RBMS3: variants seen among roughly 807,000 people sequenced by gnomAD.
RBMS3 encodes the protein RNA binding motif single stranded interacting protein 3.
A neutral mutation model predicts 66.8 loss-of-function variants in RBMS3; 27 were observed. That is an observed-to-expected ratio of 0.40 (90% CI 0.30 to 0.56). RBMS3 has a LOEUF of 0.56. RBMS3 is among the 20% of genes least tolerant of loss of function. RBMS3 has a pLI of 0.40. For synonymous variants in RBMS3, 188 were observed against 183.0 expected (o/e 1.03, Z -0.22); for missense variants, 513 against 549.5 (o/e 0.93, Z 0.66).
chr3:29,989,487 A>G (rs1698679289), intron 13 of RBMS3, among the ~76,000 whole-genome samples: 1 of 152,172 alleles, frequency 6.6e-6, no homozygotes, highest in African/African-American at 2.4e-5. Flanking sequence ...TTTGTTGGCA[A>G]GCAACTACTG....
intron 10 of RBMS3, among the ~76,000 whole-genome samples, chr3:29,922,627 T>C (rs1365303135): frequency 1.3e-5 from 2 of 152,236 alleles, no homozygotes; most frequent in African/African-American, 4.8e-5. Flanking sequence ...GCTCTAACAT[T>C]GCAGACGGTT....
intron 1 of RBMS3, among the ~76,000 whole-genome samples, chr3:29,426,955 C>T (rs1462849821): frequency 3.3e-5 from 5 of 152,172 alleles, no homozygotes; most frequent in African/African-American, 1.2e-4. Flanking sequence ...AATCATAATT[C>T]CTCTTTCACT....
chr3:29,839,079 A>G (rs1175059342), intron 6 of RBMS3, among the ~76,000 whole-genome samples: 15 of 152,320 alleles, frequency 9.8e-5, no homozygotes, highest in Non-Finnish European at 1.5e-4. Context: ...AGTGTCAGGC[A>G]TAATGAGTGG....
At chr3:29,773,957 C>T (rs767374736) in intron 6 of RBMS3, among the ~76,000 whole-genome samples, 1 of 152,044 alleles carries the variant, frequency 6.6e-6, no homozygotes. Context: ...TTCCCAAGTC[C>T]CTTACTGGCT....
chr3:29,767,818 T>TA (rs2056000681), intron 6 of RBMS3, among the ~76,000 whole-genome samples: 1 of 152,004 alleles, frequency 6.6e-6, no homozygotes, highest in South Asian at 2.1e-4. Flanking sequence ...ATCAGAATAT[T>TA]TAAGCAATAG....
intron 4 of RBMS3, among the ~76,000 whole-genome samples, chr3:29,709,022 G>A (rs1166412312): frequency 6.6e-6 from 1 of 152,114 alleles, no homozygotes; most frequent in African/African-American, 2.4e-5. Context: ...GTTCAATTAA[G>A]GACCACTCTA....
At chr3:29,399,965 A>G (rs1437946217) in intron 1 of RBMS3, among the ~76,000 whole-genome samples, 1 of 152,124 alleles carries the variant, frequency 6.6e-6, no homozygotes, top group East Asian at 1.9e-4. Context: ...CAAATTCTAT[A>G]CATGTGCCAG....
At chr3:29,560,082 AAC>A (rs1389692730) in intron 3 of RBMS3, among the ~76,000 whole-genome samples, 1 of 152,224 alleles carries the variant, frequency 6.6e-6, no homozygotes, top group Non-Finnish European at 1.5e-5. Flanking sequence ...ATTTAAATTT[AAC>A]CAAGAGTGAT....
At chr3:29,549,135 T>A (rs2046091622) in intron 3 of RBMS3, among the ~76,000 whole-genome samples, 2 of 149,208 alleles carry the variant, frequency 1.3e-5, no homozygotes, top group African/African-American at 4.9e-5. Flanking sequence ...CCTTATGGCT[T>A]ACTTGAATTT....
rs543442183 is a variant in RBMS3 at position 29,844,243 on chromosome 3, GTGTTTTGTTT to G, written c.638-24599_638-24590del. Among the ~76,000 whole-genome samples, 12 of 151,940 alleles carry G rather than the reference GTGTTTTGTTT, an allele frequency of 7.9e-5. No homozygotes were observed. In the South Asian group the frequency reaches 1.7e-3, roughly 21 times the overall value. ...TGAGAAAGCTCTTTGTTTTTTTGTTGTGTTTTGTTTTGTTTTGTTTTGTTTGTGCCTATAA... is the reference window on the plus strand; with the variant it reads ...TGAGAAAGCTCTTTGTTTTTTTGTTGTGTTTTGTTTTGTTTGTGCCTATAA... On this transcript the variant is annotated intron_variant, in intron 6 of 14. Coordinates refer to ENST00000383767, the MANE Select transcript of RBMS3 (RefSeq NM_001003793.3).
In RBMS3 at chr3:29,834,064, C is replaced by A. The variant is rs183226105; in HGVS notation, c.638-34794C>A. ...TAGTCAAAGTGCTGGAAAAAAATTA[C>A]AAAACAAAAATAGATTACCTGGCAA... On this transcript the variant is annotated intron_variant, in intron 6 of 14. Coordinates refer to ENST00000383767, the MANE Select transcript of RBMS3 (RefSeq NM_001003793.3). Among the ~76,000 whole-genome samples the A allele has an allele frequency of 1.2e-3, 190 of 152,026 alleles. 1 individual carries two copies. The highest frequency in any genetic ancestry group is 1.5e-4 in the Non-Finnish European group (10 of 67,938).
chr3:29,539,517 A>C lies in RBMS3; in HGVS notation c.308-47597A>C, dbSNP rs148516833. Among the ~76,000 whole-genome samples the C allele has an allele frequency of 1.1e-3, 174 of 152,224 alleles. 1 individual carries two copies. The highest frequency in any genetic ancestry group is 3.9e-3 in the African/African-American group (161 of 41,548). ...ACCTCCCTCCAGCTTATTACATCTA[A>C]TCTTCTTTGGACTCAAGATCAGATA... On this transcript the variant is annotated intron_variant, in intron 3 of 14. Transcript: ENST00000383767.
intron 3 of RBMS3, among the ~76,000 whole-genome samples, chr3:29,501,118 A>T (rs78810806): frequency 4.6e-5 from 7 of 152,160 alleles, no homozygotes. Flanking sequence ...GTAATTTAAG[A>T]TAAGTAAGAA....
Position 29,913,525 on chromosome 3 carries a change from A to G in RBMS3, c.939+13770A>G, listed in dbSNP as rs569850421. ...GGAGAAATAGTAGAAACAAGCTGAG[A>G]AAACTGAAAGCAAATTCCAAGAAAG... On this transcript the variant is annotated intron_variant, in intron 10 of 14. Coordinates refer to ENST00000383767, the MANE Select transcript of RBMS3 (RefSeq NM_001003793.3). 2.6e-5 allele frequency among the ~76,000 whole-genome samples: 4 copies of G among 152,108 alleles called. No individual in the cohort carries two copies. In the East Asian group the frequency reaches 5.8e-4, roughly 22 times the overall value.
chr3:29,687,387 C>T (rs1306867585), intron 4 of RBMS3, among the ~76,000 whole-genome samples: 1 of 152,148 alleles, frequency 6.6e-6, no homozygotes, highest in African/African-American at 2.4e-5. Flanking sequence ...GCATAGGCAA[C>T]ATGTATTATG....
chr3:29,467,950 G>A (rs2042596417), intron 2 of RBMS3, among the ~76,000 whole-genome samples: 1 of 152,142 alleles, frequency 6.6e-6, no homozygotes, highest in East Asian at 1.9e-4. Context: ...GAATAAGTGA[G>A]AATCTATTAA....
At chr3:29,734,222 T>C (rs1166702040) in intron 4 of RBMS3, among the ~76,000 whole-genome samples, 1 of 152,050 alleles carries the variant, frequency 6.6e-6, no homozygotes, top group African/African-American at 2.4e-5. Context: ...AGAGTAGAAC[T>C]ATGGTTACTA....
At chr3:29,546,692 C>T (rs1233795380) in intron 3 of RBMS3, among the ~76,000 whole-genome samples, 2 of 152,092 alleles carry the variant, frequency 1.3e-5, no homozygotes, top group East Asian at 1.9e-4. Context: ...GTAAGTTTTG[C>T]TAGTCTATGA....
rs114852721 is a variant in RBMS3 at position 29,676,434 on chromosome 3, T to A, written c.400-63286T>A. On this transcript the variant is annotated intron_variant, in intron 4 of 14. Coordinates refer to ENST00000383767, the MANE Select transcript of RBMS3 (RefSeq NM_001003793.3). Reference sequence around the variant, plus strand: ...GAACTTAAAGTATAATAAATAAATTTTTAAAAAAGAAATTAGTAAACTTAA... The same window carrying A: ...GAACTTAAAGTATAATAAATAAATTATTAAAAAAGAAATTAGTAAACTTAA... Among the ~76,000 whole-genome samples the A allele has an allele frequency of 2.9e-3, 446 of 152,202 alleles. 4 individuals are homozygous for A. Among genetic ancestry groups the A allele is most frequent in the African/African-American group, 9.9e-3 (412 of 41,536 alleles).
Sources: gnomAD v4.1 joint callset for allele counts (sites outside exome capture counted in the v4.1 genomes callset) on GRCh38, gnomAD v4.1.1 for gene constraint, MANE v1.5 for transcripts, NCBI Gene and HGNC (gene_info 2026-07-23, HGNC 2026-07-21) for gene names.